CSMD1: variants seen among roughly 807,000 people sequenced by gnomAD.
CSMD1 encodes the protein CUB and Sushi multiple domains 1, also known as CUB and sushi domain-containing protein 1.
Under a neutral mutation model 417.5 loss-of-function variants are expected in CSMD1, and 213 were observed. The ratio of observed to expected loss-of-function variants is 0.51; its 90% CI spans 0.46 to 0.57. The LOEUF (loss-of-function observed/expected upper bound fraction) is 0.57. CSMD1 is among the 20% of genes least tolerant of loss of function. The pLI is 0.00. For missense variants in CSMD1, 6,923 were observed against 4,529.7 expected (o/e 1.53, Z -15.17); for synonymous variants, 2,862 against 1,736.8 (o/e 1.65, Z -16.11).
intron 2 of CSMD1, among the ~76,000 whole-genome samples, chr8:4,477,690 G>C (rs755152734): frequency 1.3e-5 from 2 of 152,108 alleles, no homozygotes; most frequent in African/African-American, 4.8e-5. Flanking sequence ...GTCCCCAAAG[G>C]ATAGACTGAA....
chr8:3,703,489 T>C (rs1041735807), intron 7 of CSMD1, among the ~76,000 whole-genome samples: 2 of 152,048 alleles, frequency 1.3e-5, no homozygotes, highest in Admixed American at 1.3e-4. Context: ...CATCAGTAGA[T>C]ACTGGTTGTG....
At chr8:4,673,557 G>A (rs985656953) in intron 1 of CSMD1, among the ~76,000 whole-genome samples, 2 of 152,110 alleles carry the variant, frequency 1.3e-5, no homozygotes, top group African/African-American at 4.8e-5. Flanking sequence ...TTAATATCTA[G>A]CACCTACTTT....
chr8:4,244,140 G>A (rs952486433), intron 3 of CSMD1, among the ~76,000 whole-genome samples: 9 of 152,310 alleles, frequency 5.9e-5, no homozygotes, highest in African/African-American at 1.4e-4. Flanking sequence ...CGCAGCACAA[G>A]TAGATTTGTG....
chr8:4,528,878 GTC>G (rs1403523938), intron 2 of CSMD1, among the ~76,000 whole-genome samples: 1 of 152,024 alleles, frequency 6.6e-6, no homozygotes, highest in African/African-American at 2.4e-5. Flanking sequence ...TACTAAAAAT[GTC>G]TTAAGCTTTC....
At chr8:3,830,092 C>T (rs1439516516) in intron 5 of CSMD1, among the ~76,000 whole-genome samples, 2 of 152,082 alleles carry the variant, frequency 1.3e-5, no homozygotes, top group Non-Finnish European at 2.9e-5. Flanking sequence ...CTTCTGTGCC[C>T]GTTTTCTTGA....
chr8:3,185,150 T>G (rs565808148), intron 36 of CSMD1, among the ~76,000 whole-genome samples: 1 of 152,366 alleles, frequency 6.6e-6, no homozygotes, highest in Admixed American at 6.5e-5. Flanking sequence ...CCCGAGGGCT[T>G]GCAGCTGACG....
chr8:3,528,567 T>C (rs17066330), intron 10 of CSMD1, among the ~76,000 whole-genome samples: 3,448 of 152,334 alleles, frequency 0.023, 120 homozygotes, highest in African/African-American at 0.078. Context: ...CAAAGTGTTT[T>C]GGTTCAGTAA....
At chr8:4,032,890 A>G (rs1175854983) in intron 3 of CSMD1, among the ~76,000 whole-genome samples, 1 of 152,092 alleles carries the variant, frequency 6.6e-6, no homozygotes, top group Non-Finnish European at 1.5e-5. Context: ...CCGTGGTGGG[A>G]TGGGGCAGTC....
intron 67 of CSMD1, 139 bp from the exon 68 acceptor site, chr8:2,949,525 G>A (rs1802482723): frequency 2.2e-6 from 1 of 452,882 alleles, no homozygotes; most frequent in East Asian, 3.6e-5. Flanking sequence ...TTTTTGCCAT[G>A]GCTTTTGGTG....
At chr8:4,023,585 T>A (rs1414562212) in intron 4 of CSMD1, among the ~76,000 whole-genome samples, 1 of 79,494 alleles carries the variant, frequency 1.3e-5, no homozygotes, top group African/African-American at 4.0e-5. Flanking sequence ...CTTTTCAACT[T>A]TTTTTTTTTT....
intron 50 of CSMD1, among the ~76,000 whole-genome samples, chr8:3,040,434 T>C (rs1166912291): frequency 2.0e-5 from 3 of 147,270 alleles, no homozygotes; most frequent in Admixed American, 6.8e-5. Context: ...TATATATGTA[T>C]ATACAAAATG....
Position 4,064,541 on chromosome 8 carries a change from G to C in CSMD1, c.416-32442C>G, listed in dbSNP as rs1342493847. Among the ~76,000 whole-genome samples the C allele has an allele frequency of 3.3e-5, 5 of 152,286 alleles. No homozygotes were observed. In the South Asian group the frequency reaches 8.3e-4, roughly 25 times the overall value. On this transcript the variant is annotated intron_variant, in intron 3 of 69. Coordinates refer to ENST00000635120, the MANE Select transcript of CSMD1 (RefSeq NM_033225.6). ...ATCCAAGTGAAGCCACCCATGAGGG[G>C]TGCATCGATGTCAACACACAGCTCC...
At chr8:4,958,228 A>G (rs182361071) in intron 1 of CSMD1, among the ~76,000 whole-genome samples, 1 of 152,300 alleles carries the variant, frequency 6.6e-6, no homozygotes, top group African/African-American at 2.4e-5. Context: ...TTTCATGAAG[A>G]GTCAATATAT....
chr8:2,997,889 T>G, intron 54 of CSMD1, 122 bp downstream of exon 54: 2 of 895,308 alleles, frequency 2.2e-6, no homozygotes, highest in Non-Finnish European at 3.2e-6. Flanking sequence ...ACCTGAATGG[T>G]GAGAGTTTGC....
At chr8:3,348,805 C>T (rs957909168) in intron 21 of CSMD1, among the ~76,000 whole-genome samples, 1 of 152,122 alleles carries the variant, frequency 6.6e-6, no homozygotes, top group Non-Finnish European at 1.5e-5. Context: ...AACAAAATTC[C>T]TCTTATCAAG....
At chr8:4,156,000 C>T (rs1380590269) in intron 3 of CSMD1, among the ~76,000 whole-genome samples, 6 of 152,146 alleles carry the variant, frequency 3.9e-5, no homozygotes, top group African/African-American at 1.2e-4. Flanking sequence ...TCAAAAAAGC[C>T]TAATGGAGTC....
intron 1 of CSMD1, among the ~76,000 whole-genome samples, chr8:4,664,906 C>G (rs1296918900): frequency 3.3e-5 from 5 of 152,176 alleles, no homozygotes; most frequent in Admixed American, 2.6e-4. Context: ...TTTCTATTTA[C>G]ATAAAAAACT....
At chr8:3,815,421 G>GA (rs1425479857) in intron 5 of CSMD1, among the ~76,000 whole-genome samples, 4 of 152,050 alleles carry the variant, frequency 2.6e-5, no homozygotes, top group African/African-American at 9.7e-5. Context: ...TAATTATATT[G>GA]ATAGTATAAT....
intron 5 of CSMD1, among the ~76,000 whole-genome samples, chr8:3,776,020 G>A (rs1771450491): frequency 6.6e-6 from 1 of 152,102 alleles, no homozygotes; most frequent in African/African-American, 2.4e-5. Context: ...ATTTCCCCTT[G>A]ACTCTCTATT....
Sources: allele counts gnomAD v4.1 joint callset (sites outside exome capture counted in the v4.1 genomes callset), GRCh38; gene constraint gnomAD v4.1.1; transcripts MANE v1.5; gene names NCBI Gene and HGNC (gene_info 2026-07-23, HGNC 2026-07-21).